Variants in SP3 observed in about 807,000 individuals in gnomAD.
SP3 encodes transcription factor Sp3.
A neutral mutation model predicts 70.3 loss-of-function variants in SP3; 10 were observed. The ratio of observed to expected loss-of-function variants is 0.14; its 90% confidence interval spans 0.09 to 0.24. The LOEUF is 0.24. SP3 is among the 10% of genes least tolerant of loss of function. The pLI is 1.00. For missense variants in SP3, 825 were observed against 914.6 expected, an observed-to-expected ratio of 0.90 and a Z score of 1.26; for synonymous variants, 402 against 333.5, an observed-to-expected ratio of 1.21 and a Z score of -2.24.
In SP3 at chr2:173,904,561, T is replaced by C. The variant is rs75919976; in HGVS notation, c.*5380A>G. On this transcript the variant is annotated 3_prime_UTR_variant, in exon 7 of 7. Coordinates refer to ENST00000310015, the MANE Select transcript of SP3 (RefSeq NM_003111.5). Reference sequence around the variant, plus strand: ...CAAGAAAGCCATTTTCTTTTTCTTCTGGGGTTGAATGTCATCTTTGCTTTC... The same window carrying C: ...CAAGAAAGCCATTTTCTTTTTCTTCCGGGGTTGAATGTCATCTTTGCTTTC... 8.0e-3 allele frequency among the ~76,000 whole-genome samples: 1,222 copies of C among 152,308 alleles called. 13 individuals carry two copies. Among genetic ancestry groups the C allele is most frequent in the African/African-American group, 0.028 (1,153 of 41,546 alleles).
chr2:173,964,444 C>T lies in SP3; in HGVS notation c.117G>A (p.Gln39=), dbSNP rs773111820. The T allele has an allele frequency of 1.4e-6, 1 of 734,438 alleles. No individual in the cohort carries two copies. The highest frequency in any genetic ancestry group is 2.5e-6 in the Non-Finnish European group (1 of 399,006). 45.5% of individuals were successfully genotyped at this position (734,438 alleles called of 1,614,324 possible). The change falls in exon 2 of 7, where the codon CAG becomes CAA. Residue 39 remains glutamine, a synonymous_variant. Coordinates refer to ENST00000310015, the MANE Select transcript of SP3 (RefSeq NM_003111.5). The part of the protein sequence containing the change: ...GHGEYLQQQQ[Q]HGNGAVAAAA... ...CCGCCGCCACCGCACCGTTTCCGTG[C>T]TGTTGCTGCTGCTGCAGATACTCGC...
At chr2:173,963,732 G>A in intron 3 of SP3, 29 bp downstream of exon 3, 1 of 935,314 alleles carries the variant, frequency 1.1e-6, no homozygotes, top group Non-Finnish European at 1.3e-6. Context: ...GCCCGGCCTC[G>A]GCGGGGGCGG....
intron 3 of SP3, among the ~76,000 whole-genome samples, chr2:173,958,560 C>T (rs1338928137): frequency 6.7e-6 from 1 of 148,298 alleles, no homozygotes; most frequent in African/African-American, 2.5e-5. Context: ...TATTAAAATA[C>T]CTGTGAAGCA....
At chr2:173,945,646 T>C (rs1690515002) in intron 4 of SP3, among the ~76,000 whole-genome samples, 1 of 152,082 alleles carries the variant, frequency 6.6e-6, no homozygotes, top group Non-Finnish European at 1.5e-5. Flanking sequence ...TAATAAAAAC[T>C]CCACTGTACA....
At chr2:173,953,635 T>A (rs1404449062) in intron 4 of SP3, among the ~76,000 whole-genome samples, 2 of 152,046 alleles carry the variant, frequency 1.3e-5, no homozygotes, top group Admixed American at 6.6e-5. Flanking sequence ...TAATCCCAGT[T>A]ATTCAGGAGC....
Position 173,963,889 on chromosome 2 carries a change from C to A in SP3, c.157-6G>T. The A allele has an allele frequency of 6.7e-7, 1 of 1,498,068 alleles. No homozygotes were observed. The highest frequency in any genetic ancestry group is 8.9e-7 in the Non-Finnish European group (1 of 1,120,970). The allele number at this position is 1,498,068 out of a possible 1,614,324, so 92.8% of individuals were successfully genotyped here. A position where few individuals can be genotyped will look rare whatever the true frequency, so the allele number is the denominator to read the frequency against. Reference sequence around the variant, plus strand: ...AGCGGTGACGGCTGAGTGTCCTACCCCCAATGGGCGGGTTCAGAGAGGGAG... The same window carrying A: ...AGCGGTGACGGCTGAGTGTCCTACCACCAATGGGCGGGTTCAGAGAGGGAG... On this transcript the variant is annotated splice_region_variant and splice_polypyrimidine_tract_variant and intron_variant, in intron 2 of 6. Transcript: ENST00000310015.
intron 3 of SP3, chr2:173,963,057 T>C (rs999796206): frequency 2.6e-5 from 4 of 152,194 alleles, no homozygotes; most frequent in East Asian, 1.9e-4. Context: ...TGCACGTAAA[T>C]ACAATTCCTT....
intron 4 of SP3, among the ~76,000 whole-genome samples, chr2:173,919,423 C>T (rs1689689333): frequency 6.6e-6 from 1 of 152,128 alleles, no homozygotes; most frequent in East Asian, 1.9e-4. Context: ...GTCTTCAGTA[C>T]CAGGCACTTA....
chr2:173,959,253 T>C (rs1262172904), intron 3 of SP3, among the ~76,000 whole-genome samples: 1 of 151,784 alleles, frequency 6.6e-6, no homozygotes, highest in Admixed American at 6.6e-5. Context: ...CAAATTTCTT[T>C]GTAAAAGAAA....
chr2:173,962,450 C>G (rs1442062940), intron 3 of SP3, among the ~76,000 whole-genome samples: 1 of 152,166 alleles, frequency 6.6e-6, no homozygotes, highest in Non-Finnish European at 1.5e-5. Context: ...CAACTCTCAG[C>G]GAAGCTGAAA....
intron 4 of SP3, among the ~76,000 whole-genome samples, chr2:173,946,800 T>C (rs1690554435): frequency 6.6e-6 from 1 of 150,990 alleles, no homozygotes; most frequent in Non-Finnish European, 1.5e-5. Flanking sequence ...CAGCTCACTG[T>C]AGCCTCAACC....
intron 4 of SP3, among the ~76,000 whole-genome samples, chr2:173,946,195 C>T (rs1690528785): frequency 6.6e-6 from 1 of 151,810 alleles, no homozygotes; most frequent in Admixed American, 6.6e-5. Flanking sequence ...ATAAAGGAAA[C>T]AAGAATAGCA....
rs1387113096 is a variant in SP3 at position 173,907,368 on chromosome 2, T to C, written c.*2573A>G. 2.0e-5 allele frequency: 3 copies of C among 152,118 alleles called. No homozygotes were observed. Among genetic ancestry groups the C allele is most frequent in the Non-Finnish European group, 4.4e-5 (3 of 67,982 alleles). 9.4% of individuals were successfully genotyped at this position (152,118 alleles called of 1,614,324 possible). A position where few individuals can be genotyped will look rare whatever the true frequency, so the allele number is the denominator to read the frequency against. ...GTTGACATCAGAGCAAATCTTCAAA[T>C]GTTGTTTCCAGAGTATATTCAACAT... On this transcript the variant is annotated 3_prime_UTR_variant, in exon 7 of 7. Coordinates refer to ENST00000310015, the MANE Select transcript of SP3 (RefSeq NM_003111.5).
At chr2:173,915,532 A>G (rs1224379305) in intron 5 of SP3, 1 of 152,178 alleles carries the variant, frequency 6.6e-6, no homozygotes, top group African/African-American at 2.4e-5. Flanking sequence ...ACTTGTTCCC[A>G]ATAATTTAAT....
At chr2:173,939,958 G>C (rs931516473) in intron 4 of SP3, among the ~76,000 whole-genome samples, 30 of 152,212 alleles carry the variant, frequency 2.0e-4, no homozygotes, top group African/African-American at 7.0e-4. Context: ...CTGTAGGCTT[G>C]ACCTCCTGGG....
chr2:173,938,219 G>C (rs906598282), intron 4 of SP3, among the ~76,000 whole-genome samples: 3 of 152,086 alleles, frequency 2.0e-5, no homozygotes, highest in Admixed American at 6.6e-5. Context: ...CACTTTGGGA[G>C]GCCAAGGAGG....
intron 4 of SP3, among the ~76,000 whole-genome samples, chr2:173,935,357 CATGTAG>C (rs1690178670): frequency 6.6e-6 from 1 of 152,142 alleles, no homozygotes; most frequent in Non-Finnish European, 1.5e-5. Flanking sequence ...ACAGACAATC[CATGTAG>C]ATGCTTTCCT....
chr2:173,907,554 C>T lies in SP3; in HGVS notation c.*2387G>A, dbSNP rs1214813454. ...GACTACTTACTTTCTTCATTGCATT[C>T]ATTCTCCACGAATTCATAAAATATG... On this transcript the variant is annotated 3_prime_UTR_variant, in exon 7 of 7. Coordinates refer to ENST00000310015, the MANE Select transcript of SP3 (RefSeq NM_003111.5). 1 of 152,186 alleles carries T rather than the reference C, an allele frequency of 6.6e-6. No individual in the cohort carries two copies. Among genetic ancestry groups the T allele is most frequent in the East Asian group, 1.9e-4 (1 of 5,194 alleles). 9.4% of individuals were successfully genotyped at this position (152,186 alleles called of 1,614,324 possible). A position where few individuals can be genotyped will look rare whatever the true frequency, so the allele number is the denominator to read the frequency against.
intron 4 of SP3, among the ~76,000 whole-genome samples, chr2:173,936,842 A>G (rs151090579): frequency 1.3e-5 from 2 of 150,212 alleles, no homozygotes; most frequent in East Asian, 2.0e-4. Flanking sequence ...TCTTCCTCTC[A>G]TCTCTCTACC....
Sources: gnomAD v4.1 joint callset for allele counts (sites outside exome capture counted in the v4.1 genomes callset) on GRCh38, gnomAD v4.1.1 for gene constraint, MANE v1.5 for transcripts, NCBI Gene and HGNC (gene_info 2026-07-23, HGNC 2026-07-21) for gene names.